ARHGAP6: variants seen among roughly 807,000 people sequenced by gnomAD.
The protein encoded by ARHGAP6 is rho GTPase-activating protein 6.
In ARHGAP6, 16 loss-of-function variants were observed where a neutral mutation model predicts 55.7. The observed-to-expected ratio is 0.29, with a 90% CI of 0.19 to 0.44. The LOEUF (loss-of-function observed/expected upper bound fraction) is 0.44. Ranked by LOEUF, ARHGAP6 falls within the 20% of genes least tolerant of loss-of-function variation. The pLI, the probability that ARHGAP6 is intolerant of heterozygous loss-of-function variation, is 1.00. For missense variants in ARHGAP6, 698 were observed against 808.9 expected, an observed-to-expected ratio of 0.86 and a Z score of 1.66; for synonymous variants, 382 against 360.9, an observed-to-expected ratio of 1.06 and a Z score of -0.66.
chrX:11,171,109 G>A (rs1365044136), intron 8 of ARHGAP6, among the ~76,000 whole-genome samples: 4 of 111,236 alleles, frequency 3.6e-5, no homozygotes, highest in Middle Eastern at 4.6e-3. Context: ...AAATGTAGGA[G>A]GAGCTAAAGG....
At chrX:11,454,592 G>A (rs1034237286) in intron 1 of ARHGAP6, among the ~76,000 whole-genome samples, 13 of 111,987 alleles carry the variant, frequency 1.2e-4, no homozygotes, top group African/African-American at 3.9e-4. Context: ...ATCAAGGAGT[G>A]TGGTTTTCAG....
intron 1 of ARHGAP6, among the ~76,000 whole-genome samples, chrX:11,603,265 T>C (rs1198781010): frequency 8.9e-6 from 1 of 112,088 alleles, no homozygotes; most frequent in African/African-American, 3.2e-5. Context: ...GTATAATTTA[T>C]ATCCTGGGAA....
chrX:11,349,542 T>A (rs1328057127), intron 1 of ARHGAP6, among the ~76,000 whole-genome samples: 1 of 111,316 alleles, frequency 9.0e-6, no homozygotes, highest in East Asian at 2.8e-4. Flanking sequence ...AATGAATGAA[T>A]CACTGAATGA....
At chrX:11,516,892 T>A (rs1377927857) in intron 1 of ARHGAP6, among the ~76,000 whole-genome samples, 1 of 111,667 alleles carries the variant, frequency 9.0e-6, no homozygotes, top group East Asian at 2.8e-4. Context: ...AAACTGTAAA[T>A]GTAGGCATTC....
At chrX:11,369,840 CA>C (rs759232025) in intron 1 of ARHGAP6, among the ~76,000 whole-genome samples, 1 of 111,978 alleles carries the variant, frequency 8.9e-6, no homozygotes, top group South Asian at 3.7e-4. Context: ...AGATAAATAT[CA>C]AAGGGTAATG....
At chrX:11,200,399 A>G (rs2046602397) in intron 2 of ARHGAP6, among the ~76,000 whole-genome samples, 1 of 112,399 alleles carries the variant, frequency 8.9e-6, no homozygotes, top group African/African-American at 3.2e-5. Flanking sequence ...GACACCTGTG[A>G]CACAATAGCA....
chrX:11,199,204 A>C (rs1032593031), intron 2 of ARHGAP6, among the ~76,000 whole-genome samples: 1 of 112,041 alleles, frequency 8.9e-6, no homozygotes, highest in Non-Finnish European at 1.9e-5. Context: ...ATGGTATTTG[A>C]GTTGTTTCTA....
At chrX:11,400,765 T>C (rs1484510459) in intron 1 of ARHGAP6, among the ~76,000 whole-genome samples, 1 of 112,264 alleles carries the variant, frequency 8.9e-6, no homozygotes, top group Non-Finnish European at 1.9e-5. Flanking sequence ...GAACTATCAC[T>C]GTATGATACT....
At chrX:11,382,531 GTACTC>G (rs1432036227) in intron 1 of ARHGAP6, among the ~76,000 whole-genome samples, 2 of 111,648 alleles carry the variant, frequency 1.8e-5, no homozygotes, top group African/African-American at 3.3e-5. Context: ...ATCCTGCCAT[GTACTC>G]AGAATTTTTT....
chrX:11,174,718 C>A (rs770901665), intron 8 of ARHGAP6, among the ~76,000 whole-genome samples: 1 of 101,285 alleles, frequency 9.9e-6, no homozygotes, highest in Non-Finnish European at 2.0e-5. Flanking sequence ...GATGGAGTCT[C>A]GCTCTGTCAC....
In ARHGAP6 at chrX:11,137,927, G is replaced by A. The variant is rs1190819103; in HGVS notation, c.*936C>T. 8.9e-6 allele frequency: 1 copy of A among 111,944 alleles called. No homozygotes were observed. Among genetic ancestry groups the A allele is most frequent in the Non-Finnish European group, 1.9e-5 (1 of 53,132 alleles). The allele number at this position is 111,944 out of a possible 1,213,427, so 9.2% of individuals were successfully genotyped here. A position where few individuals can be genotyped will look rare whatever the true frequency, so the allele number is the denominator to read the frequency against. Reference sequence around the variant, plus strand: ...ATGTAATTTGGCAAATACTGATTATGGGGCAAAGGGAAAAAACATGTTCTA... The same window carrying A: ...ATGTAATTTGGCAAATACTGATTATAGGGCAAAGGGAAAAAACATGTTCTA... On this transcript the variant is annotated 3_prime_UTR_variant, in exon 13 of 13. Coordinates refer to ENST00000337414, the MANE Select transcript of ARHGAP6 (RefSeq NM_013427.3).
chrX:11,468,748 T>G (rs906929804), intron 1 of ARHGAP6, among the ~76,000 whole-genome samples: 3 of 112,303 alleles, frequency 2.7e-5, no homozygotes, highest in African/African-American at 9.7e-5. Context: ...GAATTGATGC[T>G]AAGTGGCAAT....
At position 11,254,573 on chromosome X, in the gene ARHGAP6, C is replaced by T; in HGVS notation, c.723G>A (p.Leu241=). The change falls in exon 2 of 13, where the codon CTG becomes CTA. Residue 241 remains leucine, a synonymous_variant. Coordinates refer to ENST00000337414, the MANE Select transcript of ARHGAP6 (RefSeq NM_013427.3). ...CTTTGGGAATGGTGATCTGACAGCT[C>T]AGGTCACAGTCCTGTTGCAACTGAT... is the stretch of plus-strand genomic sequence containing the variant. ...AFYQLQQDCD[L]SCQITIPKDG... 1.7e-6 allele frequency: 2 copies of T among 1,210,627 alleles called. No individual in the cohort carries two copies. Among genetic ancestry groups the T allele is most frequent in the African/African-American group, 3.5e-5 (2 of 57,599 alleles).
intron 1 of ARHGAP6, chrX:11,298,733 T>A: frequency 1.7e-6 from 2 of 1,210,127 alleles, no homozygotes; most frequent in Middle Eastern, 2.3e-4. Flanking sequence ...ACTCCATGAC[T>A]CCAATCCAAC....
chrX:11,226,213 A>G (rs1372153769), intron 2 of ARHGAP6, among the ~76,000 whole-genome samples: 1 of 101,654 alleles, frequency 9.8e-6, no homozygotes, highest in Non-Finnish European at 2.0e-5. Flanking sequence ...TCATTGTTCA[A>G]TTCCCACCTA....
chrX:11,372,834 G>A (rs2049160401), intron 1 of ARHGAP6, among the ~76,000 whole-genome samples: 1 of 105,898 alleles, frequency 9.4e-6, no homozygotes, highest in South Asian at 4.3e-4. Flanking sequence ...AACTTAATTG[G>A]GACAATGATT....
chrX:11,292,460 G>A (rs2048011336), intron 1 of ARHGAP6, among the ~76,000 whole-genome samples: 1 of 111,410 alleles, frequency 9.0e-6, no homozygotes, highest in Non-Finnish European at 1.9e-5. Context: ...GGAAAGGGGA[G>A]GCTGCTGAGA....
chrX:11,200,063 G>C (rs2046597835), intron 2 of ARHGAP6, among the ~76,000 whole-genome samples: 1 of 112,476 alleles, frequency 8.9e-6, no homozygotes, highest in African/African-American at 3.2e-5. Context: ...ATACAGAACA[G>C]TTTATGTTCC....
chrX:11,588,271 C>G (rs2051759583), intron 1 of ARHGAP6, among the ~76,000 whole-genome samples: 1 of 112,093 alleles, frequency 8.9e-6, no homozygotes, highest in African/African-American at 3.2e-5. Context: ...TCTGGACCAC[C>G]ACTTTCTGGT....
Sources: allele counts gnomAD v4.1 joint callset (sites outside exome capture counted in the v4.1 genomes callset), GRCh38; gene constraint gnomAD v4.1.1; transcripts MANE v1.5; gene names NCBI Gene and HGNC (gene_info 2026-07-23, HGNC 2026-07-21).